EPHA1: variants seen among roughly 807,000 people sequenced by gnomAD.
EPHA1 encodes the protein ephrin type-A receptor 1.
A neutral mutation model predicts 110.1 loss-of-function variants in EPHA1; 92 were observed. The observed-to-expected ratio is 0.84, with a 90% CI of 0.71 to 0.99. The LOEUF (loss-of-function observed/expected upper bound fraction) is 0.99, where lower values mean the gene tolerates loss of function less well. EPHA1 is among the 50% of genes least tolerant of loss of function. The pLI, the probability that EPHA1 is intolerant of heterozygous loss-of-function variation, is 0.00. For synonymous variants in EPHA1, 500 were observed against 516.1 expected, an observed-to-expected ratio of 0.97 and a Z score of 0.42; for missense variants, 1,204 against 1,285.4, an observed-to-expected ratio of 0.94 and a Z score of 0.97.
intron 1 of EPHA1, 82 bp from the exon 2 acceptor site, chr7:143,407,760 A>C: frequency 7.9e-7 from 1 of 1,263,904 alleles, no homozygotes; most frequent in Non-Finnish European, 1.1e-6. Flanking sequence ...CTGGGGCCTC[A>C]GCCCCAGGCT....
chr7:143,399,080 G>A, intron 5 of EPHA1, 135 bp from the exon 6 acceptor site: 1 of 1,218,688 alleles, frequency 8.2e-7, no homozygotes, highest in East Asian at 2.4e-5. Context: ...TACTGGGTTT[G>A]ACTACATCTC....
chr7:143,399,831 G>A lies in EPHA1; in HGVS notation c.655C>T (p.Pro219Ser), dbSNP rs1323793671. The A allele has an allele frequency of 6.2e-7, 1 of 1,609,246 alleles. No individual in the cohort carries two copies. Among genetic ancestry groups the A allele is most frequent in the Non-Finnish European group, 8.5e-7 (1 of 1,177,700 alleles). ...NGLAQFPDTL[P>S]GPAGLVEVAG... Reference sequence around the variant, plus strand: ...ACTTCCACCAACCCAGCGGGGCCAGGCAGAGTGTCTGGGAATTGGGCCAAG... The same window carrying A: ...ACTTCCACCAACCCAGCGGGGCCAGACAGAGTGTCTGGGAATTGGGCCAAG... The change falls in exon 4 of 18, where the codon CCT (proline) becomes TCT (serine). Residue 219 changes from proline (P) to serine (S), a missense_variant. By Grantham distance (74) the Pro-to-Ser change is moderately conservative. Transcript: ENST00000275815.
At chr7:143,396,634 G>T (rs1284287330) in intron 10 of EPHA1, 124 bp from the exon 11 acceptor site, 71 of 1,240,988 alleles carry the variant, frequency 5.7e-5, no homozygotes, top group Non-Finnish European at 7.8e-5. Flanking sequence ...GGTGACTCCT[G>T]TTTGGGCTGA....
rs528169288 is a variant in EPHA1 at position 143,394,393 on chromosome 7, C to G, written c.2353-50G>C. 11 of 1,553,750 alleles carry G rather than the reference C, an allele frequency of 7.1e-6. No individual in the cohort carries two copies. The East Asian group carries it at 2.3e-4, about 32-fold the overall frequency. On this transcript the variant is annotated intron_variant, in intron 14 of 17. Coordinates refer to ENST00000275815, the MANE Select transcript of EPHA1 (RefSeq NM_005232.5). The stretch of plus-strand genomic sequence containing the variant: ...CGGAAAGTTATGGTGTCCACCTGAG[C>G]ACGAGTCTTTCTGCTTCTTTTATTG...
Position 143,395,453 on chromosome 7 carries a change from C to G in EPHA1, c.1949G>C (p.Cys650Ser), listed in dbSNP as rs373965465. The G allele has an allele frequency of 1.8e-4, 287 of 1,614,118 alleles. No homozygotes were observed. Among genetic ancestry groups the G allele is most frequent in the Non-Finnish European group, 2.3e-4 (271 of 1,180,056 alleles). ...RGTLRLPSQD[C>S]KTVAIKTLKD... is the part of the protein sequence containing the mutation. ...TAAGGTCTTAATGGCCACAGTCTTGCAGTCCTGGCTGGGGAGCCTCAGGGT... is the reference window on the plus strand; with the variant it reads ...TAAGGTCTTAATGGCCACAGTCTTGGAGTCCTGGCTGGGGAGCCTCAGGGT... Residue 650 changes from cysteine to serine, a missense_variant, in exon 12 of 18, where the codon TGC becomes TCC. Transcript: ENST00000275815. This position sits in a 1 kb window ranked among gnomAD's most constrained non-coding sequence, Gnocchi z 4.7.
At chr7:143,408,204 G>T (rs558087095) in intron 1 of EPHA1, among the ~76,000 whole-genome samples, 10 of 152,148 alleles carry the variant, frequency 6.6e-5, no homozygotes, top group South Asian at 4.1e-4. Context: ...CCTGGGAAGT[G>T]GGGGGGAGTA....
intron 10 of EPHA1, chr7:143,396,759 G>T: frequency 2.3e-6 from 1 of 434,636 alleles, no homozygotes; most frequent in Non-Finnish European, 4.2e-6. Flanking sequence ...CACACCCGCA[G>T]AGCATATTTG....
In EPHA1 at chr7:143,396,365, C is replaced by T. The variant is rs763778511; in HGVS notation, c.1897+20G>A. The T allele has an allele frequency of 4.0e-5, 65 of 1,606,476 alleles. No individual in the cohort carries two copies. The highest frequency in any genetic ancestry group is 2.1e-4 in the Middle Eastern group (1 of 4,672). On this transcript the variant is annotated intron_variant, in intron 11 of 17. Coordinates refer to ENST00000275815, the MANE Select transcript of EPHA1 (RefSeq NM_005232.5). ...GCCCCACATGGCGGGGGGCCTGCTG[C>T]GGTGCACAGCAGGACTCACCTTCTC...
intron 16 of EPHA1, among the ~76,000 whole-genome samples, chr7:143,392,334 A>G (rs571454658): frequency 1.3e-5 from 2 of 152,252 alleles, no homozygotes; most frequent in East Asian, 1.9e-4. Context: ...GCTGGGGGAA[A>G]AAATATCCAG....
rs1586583404 is a variant in EPHA1 at position 143,398,947 on chromosome 7, T to C, written c.992-2A>G. ...GGTTTCGGGGGGCCGAGGGGGGACCTGTGGGAGAAGAGGAGCCATCAGTAG... is the reference window on the plus strand; with the variant it reads ...GGTTTCGGGGGGCCGAGGGGGGACCCGTGGGAGAAGAGGAGCCATCAGTAG... On this transcript the variant is annotated splice_acceptor_variant, in intron 5 of 17. Coordinates refer to ENST00000275815, the MANE Select transcript of EPHA1 (RefSeq NM_005232.5). LOFTEE classifies it high-confidence loss of function. The C allele has an allele frequency of 6.3e-7, 1 of 1,593,218 alleles. No homozygotes were observed. The highest frequency in any genetic ancestry group is 8.6e-7 in the Non-Finnish European group (1 of 1,169,426).
At position 143,401,531 on chromosome 7, in the gene EPHA1, T is replaced by G. The variant is rs766451992; in HGVS notation, c.225A>C (p.Arg75Ser). 1.9e-6 allele frequency: 3 copies of G among 1,614,142 alleles called. No homozygotes were observed. The change falls in exon 3 of 18, where the codon AGA becomes AGC. Residue 75 changes from arginine (R) to serine (S), a missense_variant. By Grantham distance (110) the Arg-to-Ser change is moderately radical. Coordinates refer to ENST00000275815, the MANE Select transcript of EPHA1 (RefSeq NM_005232.5). The surrounding 1 kb of genome is among the most constrained non-coding windows in gnomAD (Gnocchi z 4.1). ...MYQDCPMQGR[R>S]DTDHWLRSNW... ...TGGAGCGAAGCCAGTGGTCAGTGTC[T>G]CTGCGTCCTTGCATTGGGCAGTCCT...
In EPHA1 at chr7:143,395,342, T is replaced by A. The variant is rs371479433; in HGVS notation, c.2060A>T (p.His687Leu). ...ACGCTTTGTGACGACGCCTTCCAGA[T>A]GCAGAATATGCGGGTGGCTAAACTG... ...MGQFSHPHIL[H>L]LEGVVTKRKP... is the part of the protein sequence containing the mutation. Residue 687 changes from histidine (H) to leucine (L), a missense_variant, in exon 12 of 18, where the codon CAT becomes CTT. His to Leu is a moderately conservative substitution (Grantham distance 99). Transcript: ENST00000275815. The surrounding 1 kb of genome is among the most constrained non-coding windows in gnomAD (Gnocchi z 4.7). 10 of 1,614,202 alleles carry A rather than the reference T, an allele frequency of 6.2e-6. No homozygotes were observed. In the East Asian group the frequency reaches 2.2e-4, roughly 36 times the overall value.
At position 143,397,622 on chromosome 7, in the gene EPHA1, C is replaced by T. The variant is rs535509887; in HGVS notation, c.1651G>A (p.Val551Ile). 49 of 1,614,164 alleles carry T rather than the reference C, an allele frequency of 3.0e-5. No individual in the cohort carries two copies. The highest frequency in any genetic ancestry group is 1.6e-4 in the Middle Eastern group (1 of 6,062). Reference protein sequence around the residue: ...RGLTGGEIVAVIFGLLLGAAL... With the variant: ...RGLTGGEIVAIIFGLLLGAAL... ...GCACCAAGCAGCAGCCCAAAGATGA[C>T]GGCTACAATCTCTCCTCCAGTCAGG... The change falls in exon 9 of 18, where the codon GTC becomes ATC. Residue 551 changes from valine (V) to isoleucine (I), a missense_variant. Coordinates refer to ENST00000275815, the MANE Select transcript of EPHA1 (RefSeq NM_005232.5).
At chr7:143,392,883 A>G (rs1189492301) in intron 16 of EPHA1, among the ~76,000 whole-genome samples, 6 of 151,150 alleles carry the variant, frequency 4.0e-5, no homozygotes, top group Non-Finnish European at 8.8e-5. Context: ...TGGAGGCTGC[A>G]GTGAGCTGAG....
At position 143,397,660 on chromosome 7, in the gene EPHA1, G is replaced by A; in HGVS notation, c.1616-3C>T. The stretch of plus-strand genomic sequence containing the variant: ...TCCTCCAGTCAGGCCCCTGGACACT[G>A]TAGGCACAAAGGGATGAGGAAGTGT... On this transcript the variant is annotated splice_region_variant and splice_polypyrimidine_tract_variant and intron_variant, in intron 8 of 17. Coordinates refer to ENST00000275815, the MANE Select transcript of EPHA1 (RefSeq NM_005232.5). 6.2e-7 allele frequency: 1 copy of A among 1,614,138 alleles called. No homozygotes were observed. The highest frequency in any genetic ancestry group is 8.5e-7 in the Non-Finnish European group (1 of 1,179,970).
At chr7:143,397,240 C>T (rs1467956898) in intron 10 of EPHA1, 64 bp downstream of exon 10, 9 of 1,500,792 alleles carry the variant, frequency 6.0e-6, no homozygotes, top group Middle Eastern at 1.7e-4. Flanking sequence ...TCCCAACACA[C>T]ACACACACGC....
At position 143,401,199 on chromosome 7, in the gene EPHA1, C is replaced by T. The variant is rs946866345; in HGVS notation, c.432+125G>A. 3.4e-5 allele frequency: 44 copies of T among 1,304,020 alleles called. No individual in the cohort carries two copies. Among genetic ancestry groups the T allele is most frequent in the Middle Eastern group, 2.7e-4 (1 of 3,650 alleles). 80.8% of individuals were successfully genotyped at this position (1,304,020 alleles called of 1,614,324 possible). On this transcript the variant is annotated intron_variant, in intron 3 of 17. Coordinates refer to ENST00000275815, the MANE Select transcript of EPHA1 (RefSeq NM_005232.5). The surrounding 1 kb of genome is among the most constrained non-coding windows in gnomAD (Gnocchi z 4.1). ...CAAGCCACCATGCCCAGCCTTCAAG[C>T]GCCAAATTCTTTTCAAGATTCTACC...
At chr7:143,397,881 A>G (rs770846462) in intron 8 of EPHA1, 39 bp downstream of exon 8, 20 of 1,605,926 alleles carry the variant, frequency 1.2e-5, no homozygotes, top group Non-Finnish European at 1.7e-5. Flanking sequence ...GTGAGGCAAC[A>G]GGTGTATGTG....
At chr7:143,406,710 T>C (rs1042964692) in intron 2 of EPHA1, among the ~76,000 whole-genome samples, 2 of 152,248 alleles carry the variant, frequency 1.3e-5, no homozygotes, top group Admixed American at 1.3e-4. Context: ...ACTCAGCTAC[T>C]GTCCACTGAA....
Sources: allele counts gnomAD v4.1 joint callset (sites outside exome capture counted in the v4.1 genomes callset), GRCh38; gene constraint gnomAD v4.1.1; non-coding constraint Gnocchi (gnomAD v3.1); transcripts MANE v1.5; gene names NCBI Gene and HGNC (gene_info 2026-07-23, HGNC 2026-07-21).